The following RORA variants were observed in gnomAD, a reference collection of about 807,000 sequenced individuals.
The protein encoded by RORA is RAR related orphan receptor A.
RORA carries 7 observed loss-of-function variants against 69.5 expected under a neutral mutation model. That is an observed-to-expected ratio of 0.10 (90% confidence interval 0.06 to 0.19). The LOEUF is 0.19. Ranked by LOEUF, RORA falls within the 10% of genes least tolerant of loss-of-function variation. The pLI, the probability that RORA is intolerant of heterozygous loss-of-function variation, is 1.00. For synonymous variants in RORA, 261 were observed against 240.8 expected, an observed-to-expected ratio of 1.08 and a Z score of -0.78; for missense variants, 457 against 663.0, an observed-to-expected ratio of 0.69 and a Z score of 3.41.
intron 1 of RORA, among the ~76,000 whole-genome samples, chr15:60,960,120 G>A (rs1035503957): frequency 6.6e-6 from 1 of 152,102 alleles, no homozygotes; most frequent in Non-Finnish European, 1.5e-5. Context: ...ACACTTCCTG[G>A]TTTACACAGC....
chr15:60,819,856 C>T (rs144609896), intron 1 of RORA, among the ~76,000 whole-genome samples: 380 of 151,998 alleles, frequency 2.5e-3, no homozygotes, highest in Non-Finnish European at 4.3e-3. Context: ...AGAGTGAGGA[C>T]CCTGCATCCC....
At chr15:61,204,987 T>G (rs888377544) in intron 1 of RORA, among the ~76,000 whole-genome samples, 4 of 152,244 alleles carry the variant, frequency 2.6e-5, no homozygotes, top group African/African-American at 4.8e-5. Flanking sequence ...AATGTGCTGG[T>G]CGGCACCATT....
At chr15:61,106,269 C>G (rs2078947707) in intron 1 of RORA, among the ~76,000 whole-genome samples, 1 of 152,158 alleles carries the variant, frequency 6.6e-6, no homozygotes, top group Non-Finnish European at 1.5e-5. Flanking sequence ...GCCTTTCCCA[C>G]AAGGTATTAA....
chr15:61,149,174 G>A (rs550896853), intron 1 of RORA, among the ~76,000 whole-genome samples: 9 of 152,250 alleles, frequency 5.9e-5, no homozygotes, highest in East Asian at 1.9e-4. Context: ...CAGCCTCCTC[G>A]CCAGCTTCCA....
At chr15:61,174,858 C>T (rs2079614236) in intron 1 of RORA, among the ~76,000 whole-genome samples, 1 of 152,166 alleles carries the variant, frequency 6.6e-6, no homozygotes, top group Non-Finnish European at 1.5e-5. Flanking sequence ...CATAATGGCT[C>T]TCTAAGGTGG....
chr15:60,966,799 G>T lies in RORA; in HGVS notation c.166+262254C>A, dbSNP rs76978765. Among the ~76,000 whole-genome samples, 688 of 152,314 alleles carry T rather than the reference G, an allele frequency of 4.5e-3. 6 individuals carry two copies. The highest frequency in any genetic ancestry group is 0.016 in the African/African-American group (671 of 41,570). ...GTCAAAATACTCTTTAAGTGTGATT[G>T]AATAGAATTCTGATTATACAGTTTA... On this transcript the variant is annotated intron_variant, in intron 1 of 10. Transcript: ENST00000335670.
At chr15:61,181,584 G>A (rs2079686045) in intron 1 of RORA, among the ~76,000 whole-genome samples, 1 of 145,926 alleles carries the variant, frequency 6.9e-6, no homozygotes. Flanking sequence ...ATCAGACTTT[G>A]TTGCCACCTT....
At position 61,043,039 on chromosome 15, in the gene RORA, C is replaced by T. The variant is rs79880135; in HGVS notation, c.166+186014G>A. Among the ~76,000 whole-genome samples the T allele has an allele frequency of 6.1e-3, 935 of 152,204 alleles. 8 individuals are homozygous for T. The highest frequency in any genetic ancestry group is 9.9e-3 in the Non-Finnish European group (672 of 68,006). On this transcript the variant is annotated intron_variant, in intron 1 of 10. Coordinates refer to ENST00000335670, the MANE Select transcript of RORA (RefSeq NM_134261.3). ...AGCAGGCTGAGAGTGATGGACATGG[C>T]GATGACAATGGCGATGATGGTGATG...
chr15:61,060,405 G>A (rs570893718), intron 1 of RORA, among the ~76,000 whole-genome samples: 2 of 152,258 alleles, frequency 1.3e-5, no homozygotes, highest in South Asian at 2.1e-4. Flanking sequence ...CCTGGTTTCA[G>A]GTGGCTGTCA....
chr15:60,833,248 C>T lies in RORA; in HGVS notation c.167-154562G>A, dbSNP rs543855692. 9.2e-5 allele frequency among the ~76,000 whole-genome samples: 14 copies of T among 151,730 alleles called. 1 individual carries two copies. The highest frequency in any genetic ancestry group is 3.4e-4 in the African/African-American group (14 of 41,316). ...TATTTTTTATTAAGACGGAGTCTCA[C>T]TCTGCTGCCCAGGCTGGAGTGCAGT... On this transcript the variant is annotated intron_variant, in intron 1 of 10. Transcript: ENST00000335670.
chr15:61,176,192 C>T (rs781376302), intron 1 of RORA: 5 of 152,216 alleles, frequency 3.3e-5, no homozygotes, highest in African/African-American at 4.8e-5. Flanking sequence ...CCCCACACAC[C>T]ACAGTCAAGA....
intron 2 of RORA, among the ~76,000 whole-genome samples, chr15:60,561,022 T>TC (rs2140421627): frequency 6.6e-6 from 1 of 151,832 alleles, no homozygotes; most frequent in African/African-American, 2.4e-5. Context: ...TTTTAAAATG[T>TC]AAGTGTTTTT....
intron 1 of RORA, among the ~76,000 whole-genome samples, chr15:61,070,535 A>G (rs1179763808): frequency 6.6e-6 from 1 of 152,182 alleles, no homozygotes; most frequent in Non-Finnish European, 1.5e-5. Flanking sequence ...CTTTGGACAG[A>G]TTTTTTCCAC....
At chr15:60,903,771 G>C (rs1248488775) in intron 1 of RORA, among the ~76,000 whole-genome samples, 1 of 152,152 alleles carries the variant, frequency 6.6e-6, no homozygotes, top group Non-Finnish European at 1.5e-5. Flanking sequence ...TGCAAAATCG[G>C]AGGTCGGTCT....
rs866220441 is a variant in RORA, at chr15:60,684,729, G to A, written c.167-6043C>T. Reference sequence around the variant, plus strand: ...TGTGGCAGGGAGGAAGAGATGTGTTGAGTGATAATGAACAAAGTCTTGAAT... The same window carrying A: ...TGTGGCAGGGAGGAAGAGATGTGTTAAGTGATAATGAACAAAGTCTTGAAT... On this transcript the variant is annotated intron_variant, in intron 1 of 10. Coordinates refer to ENST00000335670, the MANE Select transcript of RORA (RefSeq NM_134261.3). Among the ~76,000 whole-genome samples the A allele has an allele frequency of 6.6e-5, 10 of 152,164 alleles. No individual in the cohort carries two copies. The South Asian group carries it at 1.9e-3, about 28-fold the overall frequency.
At chr15:60,514,798 A>C in intron 3 of RORA, 41 bp from the exon 4 acceptor site, 6 of 1,554,936 alleles carry the variant, frequency 3.9e-6, no homozygotes, top group Non-Finnish European at 4.4e-6. Flanking sequence ...TTAGTGTCAG[A>C]ATGAGTGGTA....
chr15:61,164,648 C>CT (rs375653481), intron 1 of RORA, among the ~76,000 whole-genome samples: 7 of 151,704 alleles, frequency 4.6e-5, no homozygotes, highest in East Asian at 3.9e-4. Context: ...CTAGTTACAT[C>CT]TTTTTTTTTC....
In RORA at chr15:61,023,187, CAAA is replaced by C. The variant is rs35185635; in HGVS notation, c.166+205863_166+205865del. Among the ~76,000 whole-genome samples the C allele has an allele frequency of 5.5e-3, 419 of 75,658 alleles. 1 individual carries two copies. The highest frequency in any genetic ancestry group is 0.029 in the Middle Eastern group (2 of 70). The allele number at this position is 75,658 out of a possible 152,430, so 49.6% of individuals were successfully genotyped here. On this transcript the variant is annotated intron_variant, in intron 1 of 10. Coordinates refer to ENST00000335670, the MANE Select transcript of RORA (RefSeq NM_134261.3). ...TGGGCAACAGAGTGAGACTCTGCCT[CAAA>C]AAAAAAAAAAAAAAAAAAAAACTGA...
At chr15:61,124,781 C>T (rs1464719374) in intron 1 of RORA, among the ~76,000 whole-genome samples, 1 of 152,210 alleles carries the variant, frequency 6.6e-6, no homozygotes, top group African/African-American at 2.4e-5. Context: ...CTGAACCCCT[C>T]TCTGAGCCTC....
Sources: gnomAD v4.1 joint callset for allele counts (sites outside exome capture counted in the v4.1 genomes callset) on GRCh38, gnomAD v4.1.1 for gene constraint, MANE v1.5 for transcripts, NCBI Gene and HGNC (gene_info 2026-07-23, HGNC 2026-07-21) for gene names.